The following ABCA12 variants were observed in gnomAD, a reference collection of about 807,000 sequenced individuals.
ABCA12 encodes the protein ATP binding cassette subfamily A member 12.
A neutral mutation model predicts 293.5 loss-of-function variants in ABCA12; 156 were observed. The ratio of observed to expected loss-of-function variants is 0.53; its 90% confidence interval spans 0.47 to 0.61. The LOEUF (loss-of-function observed/expected upper bound fraction) is 0.61. Among genes scored for constraint, ABCA12 ranks in the 20% least tolerant of loss-of-function variants. ABCA12 has a pLI of 0.00. For missense variants in ABCA12, 2,797 were observed against 3,090.2 expected, an observed-to-expected ratio of 0.91 and a Z score of 2.25; for synonymous variants, 1,063 against 1,108.0, an observed-to-expected ratio of 0.96 and a Z score of 0.81.
intron 2 of ABCA12, among the ~76,000 whole-genome samples, chr2:215,092,022 T>G (rs970979180): frequency 3.9e-5 from 6 of 152,238 alleles, no homozygotes; most frequent in African/African-American, 1.4e-4. Context: ...CAAAGCTCTC[T>G]GACTGACTCC....
intron 7 of ABCA12, among the ~76,000 whole-genome samples, chr2:215,045,196 C>T (rs534546490): frequency 3.9e-5 from 6 of 152,244 alleles, no homozygotes; most frequent in African/African-American, 9.6e-5. Context: ...GCAATCAAAA[C>T]CTAAGTACTG....
rs1231741502 is a variant in ABCA12 at position 215,055,053 on chromosome 2, G to T, written c.318-389C>A. 2.0e-5 allele frequency among the ~76,000 whole-genome samples: 3 copies of T among 152,116 alleles called. No individual in the cohort carries two copies. The East Asian group carries it at 5.8e-4, about 29-fold the overall frequency. On this transcript the variant is annotated intron_variant, in intron 3 of 52. Transcript: ENST00000272895. ...GACTGAAACAAAGGTCTGCTTATTT[G>T]TCAACATTAAAAGAAAAATAAGTTT...
intron 1 of ABCA12, among the ~76,000 whole-genome samples, chr2:215,116,122 T>G (rs1702681361): frequency 2.0e-5 from 3 of 152,262 alleles, no homozygotes; most frequent in African/African-American, 7.2e-5. Flanking sequence ...CATAAACTCC[T>G]AATTCCCAAA....
At position 214,989,401 on chromosome 2, in the gene ABCA12, G is replaced by C; in HGVS notation, c.3757C>G (p.Leu1253Val). 3 of 1,613,578 alleles carry C rather than the reference G, an allele frequency of 1.9e-6. No individual in the cohort carries two copies. Among genetic ancestry groups the C allele is most frequent in the Non-Finnish European group, 2.5e-6 (3 of 1,179,868 alleles). The part of the protein sequence containing the change: ...VQDDTTSFGW[L>V]CCLILADSFI... Reference sequence around the variant, plus strand: ...GAGTCAGCTAGGATTAGACAGCACAGCCAGCCAAATGAGGTGGTGTCATCC... The same window carrying C: ...GAGTCAGCTAGGATTAGACAGCACACCCAGCCAAATGAGGTGGTGTCATCC... Residue 1253 changes from leucine (L) to valine (V), a missense_variant, in exon 26 of 53, where the codon CTG (leucine) becomes GTG (valine). This residue lies in a region of ABCA12 where 2,130 missense variants were observed against 2,427.0 expected (regional missense o/e 0.88). Transcript: ENST00000272895.
At chr2:214,972,429 G>T (rs763216910) in intron 36 of ABCA12, among the ~76,000 whole-genome samples, 2 of 152,126 alleles carry the variant, frequency 1.3e-5, no homozygotes, top group Non-Finnish European at 2.9e-5. Context: ...TTTATTTTGA[G>T]ACAGGGTCTC....
intron 27 of ABCA12, 89 bp downstream of exon 27, chr2:214,987,558 A>G (rs1281163695): frequency 1.3e-6 from 2 of 1,488,932 alleles, no homozygotes; most frequent in Non-Finnish European, 1.8e-6. Flanking sequence ...TAATTTTGCC[A>G]TTTAGAAAAA....
At chr2:215,136,875 G>C (rs1703240025) in intron 1 of ABCA12, among the ~76,000 whole-genome samples, 1 of 152,064 alleles carries the variant, frequency 6.6e-6, no homozygotes, top group Non-Finnish European at 1.5e-5. Flanking sequence ...ACAGTGCTTA[G>C]AGAAACTGTC....
intron 1 of ABCA12, among the ~76,000 whole-genome samples, chr2:215,121,098 A>T (rs1362198089): frequency 6.6e-6 from 1 of 152,090 alleles, no homozygotes. Context: ...TAACATAATA[A>T]CCTCCCTTCC....
In ABCA12 at chr2:214,932,571, T is replaced by C. The variant is rs1480819967; in HGVS notation, c.*63A>G. 4 of 1,215,468 alleles carry C rather than the reference T, an allele frequency of 3.3e-6. No individual in the cohort carries two copies. In the Admixed American group the frequency reaches 5.3e-5, roughly 16 times the overall value. 75.3% of individuals were successfully genotyped at this position (1,215,468 alleles called of 1,614,324 possible). ...GAAGATATCTTGCGGAAGTGTATCTTCTGTGGCTTTTCTTCAAAATGAAGC... is the reference window on the plus strand; with the variant it reads ...GAAGATATCTTGCGGAAGTGTATCTCCTGTGGCTTTTCTTCAAAATGAAGC... On this transcript the variant is annotated 3_prime_UTR_variant, in exon 53 of 53. Transcript: ENST00000272895.
chr2:215,033,995 TA>T (rs1210135078), intron 8 of ABCA12, among the ~76,000 whole-genome samples: 3 of 152,078 alleles, frequency 2.0e-5, no homozygotes, highest in Non-Finnish European at 4.4e-5. Flanking sequence ...TAGACACAGC[TA>T]AAAAAATTGT....
chr2:215,079,075 C>T (rs149598727), intron 2 of ABCA12, among the ~76,000 whole-genome samples: 55 of 152,248 alleles, frequency 3.6e-4, no homozygotes, highest in Non-Finnish European at 5.7e-4. Context: ...AGACAGATGG[C>T]TTTTATTCTT....
intron 1 of ABCA12, among the ~76,000 whole-genome samples, chr2:215,126,639 T>C (rs1292661245): frequency 6.6e-6 from 1 of 152,158 alleles, no homozygotes; most frequent in Non-Finnish European, 1.5e-5. Context: ...ATGGTGTCAG[T>C]TGTATTATCT....
chr2:215,081,386 G>A (rs1195289210), intron 2 of ABCA12, among the ~76,000 whole-genome samples: 1 of 150,054 alleles, frequency 6.7e-6, no homozygotes, highest in Admixed American at 6.7e-5. Flanking sequence ...GCTGAGGCAG[G>A]AGAATTGCTT....
intron 8 of ABCA12, 141 bp from the exon 9 acceptor site, chr2:215,032,037 A>C: frequency 1.3e-6 from 2 of 1,529,278 alleles, no homozygotes; most frequent in Admixed American, 4.0e-5. Context: ...AATTGTATAA[A>C]AGACATCTAT....
chr2:215,059,464 A>G (rs1311113751), intron 3 of ABCA12, among the ~76,000 whole-genome samples: 1 of 152,022 alleles, frequency 6.6e-6, no homozygotes, highest in Admixed American at 6.6e-5. Context: ...TTCCAAACAT[A>G]TATCTCTTAT....
At chr2:215,082,424 G>A (rs1252754632) in intron 2 of ABCA12, among the ~76,000 whole-genome samples, 1 of 152,028 alleles carries the variant, frequency 6.6e-6, no homozygotes, top group Non-Finnish European at 1.5e-5. Flanking sequence ...GCCCTCAGCT[G>A]GTACTAACTT....
chr2:214,986,707 G>A lies in ABCA12; in HGVS notation c.3998C>T (p.Ser1333Phe), dbSNP rs1319684904. The change falls in exon 28 of 53, where the codon TCT becomes TTT. Residue 1333 changes from serine (S) to phenylalanine (F), a missense_variant. Ser to Phe is a radical substitution (Grantham distance 155). Transcript: ENST00000272895. ...PSASPEYMFS[S>F]NIEPEPKDLT... ...ATCTTTAGGTTCAGGCTCGATGTTA[G>A]AGGAAAACATGTATTCAGGACCTGG... is the stretch of plus-strand genomic sequence containing the variant. The A allele has an allele frequency of 6.2e-7, 1 of 1,614,100 alleles. No individual in the cohort carries two copies. The highest frequency in any genetic ancestry group is 8.5e-7 in the Non-Finnish European group (1 of 1,179,970).
intron 6 of ABCA12, among the ~76,000 whole-genome samples, chr2:215,049,421 T>G (rs886227195): frequency 1.3e-5 from 2 of 152,184 alleles, no homozygotes; most frequent in Non-Finnish European, 2.9e-5. Context: ...TGTAATATTT[T>G]TGGTTTAGCA....
At chr2:215,030,464 C>T (rs1324703814) in intron 9 of ABCA12, among the ~76,000 whole-genome samples, 2 of 151,442 alleles carry the variant, frequency 1.3e-5, no homozygotes, top group African/African-American at 4.9e-5. Context: ...ATTAGCCAGG[C>T]GTGGTGGCAA....
Sources: allele counts gnomAD v4.1 joint callset (sites outside exome capture counted in the v4.1 genomes callset), GRCh38; gene constraint gnomAD v4.1.1; regional missense constraint gnomAD v4.1.1; transcripts MANE v1.5; gene names NCBI Gene and HGNC (gene_info 2026-07-23, HGNC 2026-07-21).